Variants in CASZ1 observed in about 807,000 individuals in gnomAD.
CASZ1 encodes the protein castor zinc finger 1.
Under a neutral mutation model 135.2 loss-of-function variants are expected in CASZ1, and 28 were observed. The ratio of observed to expected loss-of-function variants is 0.21; its 90% CI spans 0.15 to 0.28. The LOEUF (loss-of-function observed/expected upper bound fraction) is 0.28. Ranked by LOEUF, CASZ1 falls within the 10% of genes least tolerant of loss-of-function variation. The pLI is 1.00. For synonymous variants in CASZ1, 1,068 were observed against 1,073.4 expected (o/e 0.99, Z 0.10); for missense variants, 2,161 against 2,453.3 (o/e 0.88, Z 2.52).
intron 20 of CASZ1, among the ~76,000 whole-genome samples, chr1:10,640,315 C>T (rs1163009911): frequency 6.6e-6 from 1 of 152,230 alleles, no homozygotes; most frequent in African/African-American, 2.4e-5. Context: ...GGGTGGCAGC[C>T]CAACCAGCTC....
intron 5 of CASZ1, among the ~76,000 whole-genome samples, chr1:10,663,245 A>G (rs1395379472): frequency 1.3e-5 from 2 of 152,120 alleles, no homozygotes; most frequent in Admixed American, 1.3e-4. Context: ...ATGGGGGTCT[A>G]GAGGGGCAGG....
chr1:10,672,942 G>A (rs2100327119), intron 4 of CASZ1, among the ~76,000 whole-genome samples: 1 of 152,256 alleles, frequency 6.6e-6, no homozygotes, highest in East Asian at 1.9e-4. Flanking sequence ...TTATTAGCGC[G>A]TGTGCCTGTG....
intron 4 of CASZ1, among the ~76,000 whole-genome samples, chr1:10,672,208 C>CCA (rs1643426015): frequency 7.0e-6 from 1 of 143,856 alleles, no homozygotes; most frequent in African/African-American, 2.6e-5. Context: ...CCTTCTCCCC[C>CCA]CTCCCCCCGC....
At chr1:10,686,817 C>A (rs1052304853) in intron 4 of CASZ1, among the ~76,000 whole-genome samples, 1 of 152,232 alleles carries the variant, frequency 6.6e-6, no homozygotes, top group Non-Finnish European at 1.5e-5. Flanking sequence ...GCCCCTCCCC[C>A]ACCCGTGGCC....
intron 4 of CASZ1, among the ~76,000 whole-genome samples, chr1:10,677,921 C>A (rs114491998): frequency 1.3e-5 from 2 of 152,222 alleles, no homozygotes; most frequent in African/African-American, 2.4e-5. Context: ...CAGGCTCCCC[C>A]GTTCTCCAGG....
chr1:10,753,231 C>T (rs775723387), intron 2 of CASZ1, among the ~76,000 whole-genome samples: 7 of 152,230 alleles, frequency 4.6e-5, no homozygotes, highest in Non-Finnish European at 7.3e-5. Flanking sequence ...TAGCCCCCGG[C>T]AGGGGGGTAC....
rs890525920 is a variant in CASZ1, at chr1:10,709,972, G to T, written c.-76-4428C>A. Among the ~76,000 whole-genome samples, 2 of 152,206 alleles carry T rather than the reference G, an allele frequency of 1.3e-5. No homozygotes were observed. Among genetic ancestry groups the T allele is most frequent in the South Asian group, 2.1e-4 (1 of 4,834 alleles). On this transcript the variant is annotated intron_variant, in intron 2 of 20. Transcript: ENST00000377022. The surrounding 1 kb of genome is among the most constrained non-coding windows in gnomAD (Gnocchi z 5.1). ...TGTCCAGACCCCGGAGTCGGAGCAG[G>T]CCTCCGGATTGGCTCTGGGCTCTTT... is the stretch of plus-strand genomic sequence containing the variant.
chr1:10,722,257 G>A (rs1004856344), intron 2 of CASZ1, among the ~76,000 whole-genome samples: 1 of 152,176 alleles, frequency 6.6e-6, no homozygotes, highest in Non-Finnish European at 1.5e-5. Flanking sequence ...GAGTGTTGAC[G>A]GGCACCCCAT....
rs372568289 is a variant in CASZ1, at chr1:10,687,495, C to T, written c.16+6379G>A. On this transcript the variant is annotated intron_variant, in intron 4 of 20. Transcript: ENST00000377022. ...CCAGGAGTGGCCCACATACCACGCC[C>T]GGGGCAGAGGCCTGAAGCCCTGGCG... 3.1e-3 allele frequency among the ~76,000 whole-genome samples: 478 copies of T among 152,362 alleles called. 8 individuals are homozygous for T. Among genetic ancestry groups the T allele is most frequent in the South Asian group, 0.028 (136 of 4,828 alleles).
At chr1:10,783,706 C>T (rs1640803829) in intron 1 of CASZ1, among the ~76,000 whole-genome samples, 1 of 151,854 alleles carries the variant, frequency 6.6e-6, no homozygotes, top group South Asian at 2.1e-4. Flanking sequence ...AACCCCATCT[C>T]TACTAAAAAT....
At chr1:10,743,756 A>C (rs12090402) in intron 2 of CASZ1, among the ~76,000 whole-genome samples, 4,435 of 150,204 alleles carry the variant, frequency 0.03, 201 homozygotes, top group African/African-American at 0.1. Context: ...GCCTTGGAGA[A>C]CCCCGATCCC....
At position 10,646,010 on chromosome 1, in the gene CASZ1, AAT is replaced by A; in HGVS notation, c.3696+116_3696+117del. ...TTCCAGAGTCCGGGAGGCCCATTTA[AAT>A]AAGCAAGGTGTGAGAAATGGAGCCT... On this transcript the variant is annotated intron_variant, in intron 17 of 20. Transcript: ENST00000377022. The surrounding 1 kb of genome is among the most constrained non-coding windows in gnomAD (Gnocchi z 6.4). 9.9e-7 allele frequency: 1 copy of A among 1,008,238 alleles called. No individual in the cohort carries two copies. The highest frequency in any genetic ancestry group is 1.5e-6 in the Non-Finnish European group (1 of 662,514). 62.5% of individuals were successfully genotyped at this position (1,008,238 alleles called of 1,614,324 possible).
rs1473549371 is a variant in CASZ1, at chr1:10,653,431, T to C, written c.2626A>G (p.Met876Val). ...ISASKGLISP[M>V]MARLAAAALK... ...GCAGCTGCAGCCAGCCTGGCCATCATGGGCGAGATGAGGCCCTTGCTTGCA... is the reference window on the plus strand; with the variant it reads ...GCAGCTGCAGCCAGCCTGGCCATCACGGGCGAGATGAGGCCCTTGCTTGCA... The change falls in exon 11 of 21, where the codon ATG becomes GTG. Residue 876 changes from methionine (M) to valine (V), a missense_variant. Coordinates refer to ENST00000377022, the MANE Select transcript of CASZ1 (RefSeq NM_001079843.3). 1.9e-6 allele frequency: 3 copies of C among 1,613,342 alleles called. No homozygotes were observed. The highest frequency in any genetic ancestry group is 2.2e-5 in the South Asian group (2 of 91,090).
intron 1 of CASZ1, among the ~76,000 whole-genome samples, chr1:10,778,461 C>T (rs1050277775): frequency 6.6e-6 from 1 of 152,140 alleles, no homozygotes; most frequent in Admixed American, 6.5e-5. Context: ...TACAGAATCA[C>T]ACAATCTCAC....
chr1:10,713,677 G>A (rs1315194810), intron 2 of CASZ1, among the ~76,000 whole-genome samples: 1 of 152,244 alleles, frequency 6.6e-6, no homozygotes, highest in African/African-American at 2.4e-5. Context: ...CTTACAGAGA[G>A]ACAAGGCCAT....
intron 2 of CASZ1, among the ~76,000 whole-genome samples, chr1:10,714,142 A>G (rs369545929): frequency 6.6e-6 from 1 of 152,126 alleles, no homozygotes; most frequent in Non-Finnish European, 1.5e-5. Context: ...CCCCGTCTCT[A>G]TGAAAAATAC....
intron 4 of CASZ1, among the ~76,000 whole-genome samples, chr1:10,673,269 A>G (rs985518308): frequency 1.3e-5 from 2 of 152,162 alleles, no homozygotes; most frequent in Non-Finnish European, 2.9e-5. Flanking sequence ...TTAACATCCA[A>G]CGTCCTTCTG....
Position 10,653,999 on chromosome 1 carries a change from G to C in CASZ1, c.2058C>G (p.Thr686=), listed in dbSNP as rs907393107. 1 of 1,614,186 alleles carries C rather than the reference G, an allele frequency of 6.2e-7. No homozygotes were observed. The highest frequency in any genetic ancestry group is 8.5e-7 in the Non-Finnish European group (1 of 1,180,018). ...GGCGCTCATGCTTGCGCTTGTGAGA[G>C]GTCATCTGGCTGGTGGAGGTGAAGG... is the stretch of plus-strand genomic sequence containing the variant. The part of the protein sequence containing the change: ...GFTFTSTSQM[T]SHKRKHERRH... The change falls in exon 11 of 21, where the codon ACC becomes ACG. Residue 686 remains threonine (T), a synonymous_variant. Coordinates refer to ENST00000377022, the MANE Select transcript of CASZ1 (RefSeq NM_001079843.3).
intron 4 of CASZ1, among the ~76,000 whole-genome samples, chr1:10,675,386 C>T (rs1039322212): frequency 3.3e-5 from 5 of 151,370 alleles, no homozygotes; most frequent in Admixed American, 1.3e-4. Flanking sequence ...GCAAGGCTGG[C>T]GGGAAGGAAT....
Sources: gnomAD v4.1 joint callset for allele counts (sites outside exome capture counted in the v4.1 genomes callset) on GRCh38, gnomAD v4.1.1 for gene constraint, Gnocchi (gnomAD v3.1) non-coding constraint, MANE v1.5 for transcripts, NCBI Gene and HGNC (gene_info 2026-07-23, HGNC 2026-07-21) for gene names.